ETS1: variants seen among roughly 807,000 people sequenced by gnomAD.
ETS1 encodes protein C-ets-1.
In ETS1, 15 loss-of-function variants were observed where a neutral mutation model predicts 58.6. The observed-to-expected ratio is 0.26, with a 90% confidence interval of 0.17 to 0.39. The LOEUF (loss-of-function observed/expected upper bound fraction) is 0.39, where lower values mean the gene tolerates loss of function less well. ETS1 is among the 10% of genes least tolerant of loss of function. The probability of loss-of-function intolerance (pLI) is 1.00; values close to 1 mark genes in which losing one functional copy is unlikely to be tolerated. For missense variants in ETS1, 417 were observed against 610.5 expected, an observed-to-expected ratio of 0.68 and a Z score of 3.34; for synonymous variants, 214 against 218.2, an observed-to-expected ratio of 0.98 and a Z score of 0.17.
intron 2 of ETS1, among the ~76,000 whole-genome samples, chr11:128,568,450 C>A (rs1469743095): frequency 6.6e-6 from 1 of 152,202 alleles, no homozygotes; most frequent in Non-Finnish European, 1.5e-5. Context: ...CAGGAAGGAG[C>A]ACTTCCTCCC....
intron 3 of ETS1, among the ~76,000 whole-genome samples, chr11:128,515,619 G>A (rs1863502889): frequency 6.6e-6 from 1 of 152,096 alleles, no homozygotes; most frequent in African/African-American, 2.4e-5. Flanking sequence ...TCATCTGTGG[G>A]GAGAGCCCCA....
At chr11:128,494,147 TA>T (rs1446787341) in intron 3 of ETS1, among the ~76,000 whole-genome samples, 1 of 152,260 alleles carries the variant, frequency 6.6e-6, no homozygotes, top group Non-Finnish European at 1.5e-5. Flanking sequence ...TTTGTGCTAA[TA>T]ATTACAATAT....
intron 3 of ETS1, among the ~76,000 whole-genome samples, chr11:128,543,826 T>C (rs1212453114): frequency 6.6e-6 from 1 of 152,240 alleles, no homozygotes; most frequent in African/African-American, 2.4e-5. Flanking sequence ...AGGTAATTTA[T>C]AAACTCTAAT....
At chr11:128,578,299 T>C (rs1466926710) in intron 1 of ETS1, among the ~76,000 whole-genome samples, 2 of 151,874 alleles carry the variant, frequency 1.3e-5, no homozygotes, top group Non-Finnish European at 2.9e-5. Flanking sequence ...GAACAAGAAA[T>C]CCCAAAGAGA....
At chr11:128,490,638 C>A in intron 3 of ETS1, 62 bp from the exon 4 acceptor site, 1 of 1,350,852 alleles carries the variant, frequency 7.4e-7, no homozygotes, top group Non-Finnish European at 1.0e-6. Context: ...AATCATAAAA[C>A]ATTACAAATG....
intron 8 of ETS1, among the ~76,000 whole-genome samples, chr11:128,477,557 G>T (rs1011444556): frequency 3.3e-4 from 50 of 152,088 alleles, no homozygotes; most frequent in African/African-American, 1.2e-3. Context: ...ATGAGGGTGT[G>T]AGATCACCCT....
chr11:128,479,732 T>C (rs897807105), intron 8 of ETS1, among the ~76,000 whole-genome samples: 1 of 152,152 alleles, frequency 6.6e-6, no homozygotes, highest in Non-Finnish European at 1.5e-5. Flanking sequence ...TTTGAACAGC[T>C]GGCCTAAGGA....
At chr11:128,524,424 C>T (rs1053645463) in intron 3 of ETS1, among the ~76,000 whole-genome samples, 1 of 152,136 alleles carries the variant, frequency 6.6e-6, no homozygotes, top group South Asian at 2.1e-4. Context: ...AGGAAAGTTA[C>T]CTCCAGATGA....
chr11:128,567,728 G>A (rs1038635002), intron 2 of ETS1, among the ~76,000 whole-genome samples: 1 of 152,080 alleles, frequency 6.6e-6, no homozygotes, highest in Non-Finnish European at 1.5e-5. Flanking sequence ...TGCCTCCTGG[G>A]TTCAAGCGAT....
intron 3 of ETS1, among the ~76,000 whole-genome samples, chr11:128,516,652 A>C (rs1346928644): frequency 6.6e-6 from 1 of 152,172 alleles, no homozygotes; most frequent in Non-Finnish European, 1.5e-5. Context: ...GCAGGTAGAC[A>C]CCTGGGGCTG....
intron 3 of ETS1, 117 bp from the exon 4 acceptor site, chr11:128,490,693 AC>A: frequency 1.6e-6 from 1 of 626,374 alleles, no homozygotes; most frequent in Non-Finnish European, 2.7e-6. Flanking sequence ...TAGCATCCTC[AC>A]CAGAGCACCA....
chr11:128,482,854 A>G (rs995720571), intron 7 of ETS1, among the ~76,000 whole-genome samples: 8 of 152,188 alleles, frequency 5.3e-5, no homozygotes, highest in Admixed American at 1.3e-4. Context: ...ACCTCAGAGC[A>G]CTCAAAACAG....
chr11:128,581,751 A>C (rs1356552407), intron 1 of ETS1, among the ~76,000 whole-genome samples: 1 of 152,188 alleles, frequency 6.6e-6, no homozygotes, highest in East Asian at 1.9e-4. Context: ...CATTTTAAAG[A>C]ATTACATTAC....
In ETS1 at chr11:128,564,184, A is replaced by T. The variant is rs1273049236; in HGVS notation, c.70-7749T>A. Among the ~76,000 whole-genome samples, 4 of 151,856 alleles carry T rather than the reference A, an allele frequency of 2.6e-5. No homozygotes were observed. In the East Asian group the frequency reaches 7.7e-4, roughly 29 times the overall value. On this transcript the variant is annotated intron_variant, in intron 2 of 9. Coordinates refer to ENST00000392668, the MANE Select transcript of ETS1 (RefSeq NM_001143820.2). Reference sequence around the variant, plus strand: ...AAAAGGGAAGGAGGCAAACAGAACCACTCCCCAGCTCTCCGGAGTTTGCTG... The same window carrying T: ...AAAAGGGAAGGAGGCAAACAGAACCTCTCCCCAGCTCTCCGGAGTTTGCTG...
intron 3 of ETS1, among the ~76,000 whole-genome samples, chr11:128,552,541 T>G (rs1036429796): frequency 6.6e-6 from 1 of 152,198 alleles, no homozygotes; most frequent in African/African-American, 2.4e-5. Flanking sequence ...CAACATCACA[T>G]CCATAAGTTT....
At chr11:128,565,336 C>T (rs1430475509) in intron 2 of ETS1, among the ~76,000 whole-genome samples, 5 of 152,204 alleles carry the variant, frequency 3.3e-5, no homozygotes, top group Admixed American at 1.3e-4. Context: ...ACGGGACTCT[C>T]ACCAGACACA....
chr11:128,521,425 G>T (rs903118937), intron 3 of ETS1, among the ~76,000 whole-genome samples: 13 of 152,188 alleles, frequency 8.5e-5, no homozygotes, highest in Non-Finnish European at 1.5e-4. Flanking sequence ...ATGTGACAGG[G>T]ACGCTTGGGG....
intron 3 of ETS1, among the ~76,000 whole-genome samples, chr11:128,541,534 A>G (rs1380946736): frequency 1.3e-5 from 2 of 152,250 alleles, no homozygotes; most frequent in Non-Finnish European, 1.5e-5. Flanking sequence ...GAGAGGAACC[A>G]TAACACAAAA....
chr11:128,522,534 G>T (rs1863713340), intron 3 of ETS1: 1 of 219,876 alleles, frequency 4.5e-6, no homozygotes, highest in Non-Finnish European at 7.7e-6. Flanking sequence ...AAGGGCTGGC[G>T]AGCGCGGGGC....
Sources: allele counts gnomAD v4.1 joint callset (sites outside exome capture counted in the v4.1 genomes callset), GRCh38; gene constraint gnomAD v4.1.1; transcripts MANE v1.5; gene names NCBI Gene and HGNC (gene_info 2026-07-23, HGNC 2026-07-21).